CASD1: variants seen among roughly 807,000 people sequenced by gnomAD.
CASD1 encodes the protein CAS1 domain sialic acid O acetyltransferase 1.
CASD1 carries 41 observed loss-of-function variants against 100.0 expected under a neutral mutation model. The observed-to-expected ratio is 0.41, with a 90% CI of 0.32 to 0.53. The LOEUF (loss-of-function observed/expected upper bound fraction) is 0.53, where lower values mean the gene tolerates loss of function less well. Ranked by LOEUF, CASD1 falls within the 20% of genes least tolerant of loss-of-function variation. CASD1 has a pLI of 0.25. For missense variants in CASD1, 774 were observed against 948.7 expected (o/e 0.82, Z 2.42); for synonymous variants, 321 against 315.6 (o/e 1.02, Z -0.18).
intron 10 of CASD1, 109 bp from the exon 11 acceptor site, chr7:94,544,302 A>C (rs1171649787): frequency 1.5e-5 from 20 of 1,334,602 alleles, no homozygotes; most frequent in Non-Finnish European, 2.0e-5. Flanking sequence ...GATTGAGCTG[A>C]TGCCAAATGC....
chr7:94,600,617 A>C, the CASD1 span: 2 of 1,496,990 alleles, frequency 1.3e-6, no homozygotes, highest in Non-Finnish European at 1.9e-6. Flanking sequence ...CAGGATCTCT[A>C]ATTATCTTAT....
At chr7:94,557,707 C>A (rs1470681139), downstream of CASD1, among the ~76,000 whole-genome samples, 1 of 151,898 alleles carries the variant, frequency 6.6e-6, no homozygotes, top group Non-Finnish European at 1.5e-5. Flanking sequence ...CCTGTTTCTT[C>A]ATCACTTGTT....
the CASD1 span, among the ~76,000 whole-genome samples, chr7:94,605,711 TA>T: frequency 4.6e-5 from 7 of 151,510 alleles, no homozygotes; most frequent in Non-Finnish European, 1.0e-4. Context: ...AAAACAATCA[TA>T]AAAAATGCTC....
At chr7:94,606,714 G>C in the CASD1 span, among the ~76,000 whole-genome samples, 2 of 152,038 alleles carry the variant, frequency 1.3e-5, no homozygotes, top group Admixed American at 1.3e-4. Flanking sequence ...CAACATTCCA[G>C]ACCATAAAAA....
chr7:94,609,045 TGAAA>T, the CASD1 span, among the ~76,000 whole-genome samples: 2 of 152,062 alleles, frequency 1.3e-5, no homozygotes, highest in Non-Finnish European at 1.5e-5. Flanking sequence ...GCACAATCCA[TGAAA>T]GAAAGAATTG....
the CASD1 span, chr7:94,598,438 T>C: frequency 3.7e-6 from 1 of 268,346 alleles, no homozygotes. Flanking sequence ...TCTCTAAAAA[T>C]AATCAATTTG....
downstream of CASD1, among the ~76,000 whole-genome samples, chr7:94,557,171 T>C (rs1796238205): frequency 1.3e-5 from 2 of 152,086 alleles, no homozygotes; most frequent in African/African-American, 4.8e-5. Context: ...TCATCTGCTT[T>C]CCACCAAGGA....
downstream of CASD1, among the ~76,000 whole-genome samples, chr7:94,557,957 T>C (rs1796261644): frequency 6.6e-6 from 1 of 152,122 alleles, no homozygotes; most frequent in South Asian, 2.1e-4. Flanking sequence ...TACCATTCTT[T>C]AGAATAAGAT....
intron 15 of CASD1, 68 bp downstream of exon 15, chr7:94,551,546 A>G (rs1795946525): frequency 3.1e-6 from 2 of 643,206 alleles, no homozygotes; most frequent in Non-Finnish European, 4.5e-6. Flanking sequence ...TGGAAATATA[A>G]TCAATTATTT....
intron 16 of CASD1, chr7:94,553,252 C>T (rs1431133730): frequency 4.4e-5 from 9 of 206,854 alleles, no homozygotes; most frequent in Non-Finnish European, 7.2e-5. Flanking sequence ...ATTTAATGTT[C>T]ACATGAACCT....
At chr7:94,523,510 T>C (rs1387781359) in intron 3 of CASD1, among the ~76,000 whole-genome samples, 3 of 152,140 alleles carry the variant, frequency 2.0e-5, no homozygotes, top group Non-Finnish European at 2.9e-5. Flanking sequence ...ATGTGGAAGA[T>C]CTGTATGCAG....
chr7:94,575,794 A>G, the CASD1 span, among the ~76,000 whole-genome samples: 3 of 152,336 alleles, frequency 2.0e-5, no homozygotes, highest in Non-Finnish European at 4.4e-5. Context: ...GGACTTTGAA[A>G]ATGTCATCCC....
intron 7 of CASD1, 115 bp downstream of exon 7, chr7:94,533,917 A>C: frequency 1.0e-6 from 1 of 968,098 alleles, no homozygotes; most frequent in Non-Finnish European, 1.4e-6. Flanking sequence ...ATTTTGAAAC[A>C]AGATTTGCAA....
the CASD1 span, among the ~76,000 whole-genome samples, chr7:94,633,550 A>C: frequency 6.6e-6 from 1 of 152,108 alleles, no homozygotes; most frequent in Non-Finnish European, 1.5e-5. Context: ...TAGAATCTGC[A>C]GCCATTTCAA....
intron 1 of CASD1, among the ~76,000 whole-genome samples, chr7:94,515,881 T>C (rs1414856279): frequency 6.6e-6 from 1 of 152,158 alleles, no homozygotes; most frequent in Non-Finnish European, 1.5e-5. Context: ...AGAGAAATGC[T>C]ATAAATATGG....
At chr7:94,565,721 C>T in the CASD1 span, among the ~76,000 whole-genome samples, 1 of 152,154 alleles carries the variant, frequency 6.6e-6, no homozygotes, top group African/African-American at 2.4e-5. Flanking sequence ...CGTTGCCTGC[C>T]GAGCATGAGT....
At chr7:94,521,882 G>A (rs1257618528) in intron 3 of CASD1, among the ~76,000 whole-genome samples, 2 of 152,122 alleles carry the variant, frequency 1.3e-5, no homozygotes, top group Non-Finnish European at 2.9e-5. Context: ...TCAGGAGATC[G>A]AGACCATCCT....
intron 1 of CASD1, among the ~76,000 whole-genome samples, chr7:94,511,089 ATTGT>A (rs1213253019): frequency 6.6e-6 from 1 of 152,148 alleles, no homozygotes; most frequent in African/African-American, 2.4e-5. Context: ...TTGCTGATTG[ATTGT>A]TTTTTTTCCT....
the CASD1 span, among the ~76,000 whole-genome samples, chr7:94,584,183 A>G: frequency 4.3e-3 from 653 of 152,310 alleles, 4 homozygotes; most frequent in African/African-American, 0.015. Flanking sequence ...TGTCCATGAT[A>G]TGTCGATTGT....
Sources: allele counts gnomAD v4.1 joint callset (sites outside exome capture counted in the v4.1 genomes callset), GRCh38; gene constraint gnomAD v4.1.1; transcripts MANE v1.5; gene names NCBI Gene and HGNC (gene_info 2026-07-23, HGNC 2026-07-21).